KCNIP4: variants seen among roughly 807,000 people sequenced by gnomAD.
The protein encoded by KCNIP4 is potassium voltage-gated channel interacting protein 4, also known as Kv channel-interacting protein 4.
A neutral mutation model predicts 34.0 loss-of-function variants in KCNIP4; 12 were observed. The ratio of observed to expected loss-of-function variants is 0.35; its 90% CI spans 0.23 to 0.57. KCNIP4 has a LOEUF of 0.57. Ranked by LOEUF, KCNIP4 falls within the 20% of genes least tolerant of loss-of-function variation. The probability of loss-of-function intolerance (pLI) is 0.83; values close to 1 mark genes in which losing one functional copy is unlikely to be tolerated. For missense variants in KCNIP4, 238 were observed against 311.7 expected, an observed-to-expected ratio of 0.76 and a Z score of 1.78; for synonymous variants, 124 against 102.2, an observed-to-expected ratio of 1.21 and a Z score of -1.29.
At chr4:21,606,059 C>T (rs1743628973) in intron 1 of KCNIP4, among the ~76,000 whole-genome samples, 1 of 152,046 alleles carries the variant, frequency 6.6e-6, no homozygotes, top group South Asian at 2.1e-4. Context: ...AATTCAGTAC[C>T]CTGAACAATC....
chr4:21,103,013 A>C (rs1433493), intron 1 of KCNIP4, among the ~76,000 whole-genome samples: 44,235 of 151,914 alleles, frequency 0.29, 7,106 homozygotes, highest in African/African-American at 0.44. Flanking sequence ...TATTCTTGTT[A>C]TATATAAACT....
chr4:20,840,839 G>A lies in KCNIP4; in HGVS notation c.288+9704C>T, dbSNP rs1000718493. 2.6e-5 allele frequency among the ~76,000 whole-genome samples: 4 copies of A among 152,204 alleles called. No homozygotes were observed. In the East Asian group the frequency reaches 7.7e-4, roughly 29 times the overall value. On this transcript the variant is annotated intron_variant, in intron 3 of 8. Transcript: ENST00000382152. ...GATACCAACACCCCCATCTCCTTCC[G>A]CTCAACTTTGAAATATGTTGCAAGA...
At chr4:21,069,010 G>A (rs1001149985) in intron 1 of KCNIP4, among the ~76,000 whole-genome samples, 1 of 152,126 alleles carries the variant, frequency 6.6e-6, no homozygotes, top group Non-Finnish European at 1.5e-5. Context: ...TAACCTATCT[G>A]TGCCTGAGAT....
At chr4:21,676,571 A>G (rs549393917) in intron 1 of KCNIP4, among the ~76,000 whole-genome samples, 28 of 152,358 alleles carry the variant, frequency 1.8e-4, no homozygotes, top group Non-Finnish European at 3.4e-4. Context: ...CACCAGAAAT[A>G]TACTCATTCA....
intron 3 of KCNIP4, among the ~76,000 whole-genome samples, chr4:20,773,647 T>A (rs1756111874): frequency 6.6e-6 from 1 of 152,222 alleles, no homozygotes; most frequent in Non-Finnish European, 1.5e-5. Flanking sequence ...CAGTTCTTTT[T>A]CTTAAGGGAT....
intron 1 of KCNIP4, among the ~76,000 whole-genome samples, chr4:21,583,060 C>G (rs939187207): frequency 1.3e-5 from 2 of 151,954 alleles, no homozygotes; most frequent in African/African-American, 4.8e-5. Context: ...AATGCAAAAT[C>G]AGACTCATGT....
At chr4:20,803,043 C>A (rs1240099434) in intron 3 of KCNIP4, among the ~76,000 whole-genome samples, 1 of 145,118 alleles carries the variant, frequency 6.9e-6, no homozygotes, top group Non-Finnish European at 1.5e-5. Flanking sequence ...CCACTGCACT[C>A]CAGCCTGGGC....
intron 1 of KCNIP4, among the ~76,000 whole-genome samples, chr4:21,273,266 C>A (rs1762260073): frequency 6.6e-6 from 1 of 152,108 alleles, no homozygotes; most frequent in African/African-American, 2.4e-5. Flanking sequence ...CCTAATCAGA[C>A]CTACCTACTG....
intron 1 of KCNIP4, among the ~76,000 whole-genome samples, chr4:21,860,817 T>C (rs534872347): frequency 6.6e-6 from 1 of 152,236 alleles, no homozygotes; most frequent in South Asian, 2.1e-4. Context: ...TCCAATAATG[T>C]GCTAGTGTCA....
At chr4:21,620,987 C>T (rs1487846165) in intron 1 of KCNIP4, among the ~76,000 whole-genome samples, 1 of 152,162 alleles carries the variant, frequency 6.6e-6, no homozygotes, top group Non-Finnish European at 1.5e-5. Context: ...TAACTAACAA[C>T]CTTCCTACTT....
At chr4:21,235,043 G>A (rs34830459) in intron 1 of KCNIP4, among the ~76,000 whole-genome samples, 2 of 152,006 alleles carry the variant, frequency 1.3e-5, no homozygotes, top group Admixed American at 1.3e-4. Flanking sequence ...TACACATGTA[G>A]ATCAGGTCTT....
intron 1 of KCNIP4, among the ~76,000 whole-genome samples, chr4:21,231,499 G>C (rs146764145): frequency 2.9e-4 from 44 of 152,134 alleles, no homozygotes; most frequent in African/African-American, 8.9e-4. Flanking sequence ...AATATGTACA[G>C]TAAACATTTT....
intron 1 of KCNIP4, among the ~76,000 whole-genome samples, chr4:21,041,230 T>A (rs1180471898): frequency 2.8e-5 from 4 of 144,650 alleles, no homozygotes; most frequent in South Asian, 2.2e-4. Flanking sequence ...GATATATATT[T>A]CACACACACA....
At chr4:21,183,433 C>A (rs1401477295) in intron 1 of KCNIP4, among the ~76,000 whole-genome samples, 3 of 146,172 alleles carry the variant, frequency 2.1e-5, no homozygotes, top group African/African-American at 5.0e-5. Context: ...TTTGGAGGAA[C>A]TTTATGCAGT....
intron 1 of KCNIP4, among the ~76,000 whole-genome samples, chr4:21,127,173 T>TAG (rs1255913523): frequency 6.6e-6 from 1 of 152,196 alleles, no homozygotes; most frequent in African/African-American, 2.4e-5. Flanking sequence ...TCTTCCCTCT[T>TAG]GGCTGTCCTA....
intron 1 of KCNIP4, among the ~76,000 whole-genome samples, chr4:21,763,967 G>C (rs992295278): frequency 5.3e-5 from 8 of 152,074 alleles, no homozygotes; most frequent in Non-Finnish European, 7.4e-5. Flanking sequence ...TCAGTGCCAG[G>C]AACTCCAGAT....
chr4:21,235,862 T>G (rs149963787), intron 1 of KCNIP4, among the ~76,000 whole-genome samples: 3,164 of 152,322 alleles, frequency 0.021, 52 homozygotes, highest in Non-Finnish European at 0.03. Flanking sequence ...GAGGAGGAAG[T>G]ACTGCTTCTA....
chr4:21,394,408 A>C (rs1237487443), intron 1 of KCNIP4, among the ~76,000 whole-genome samples: 1 of 152,130 alleles, frequency 6.6e-6, no homozygotes, highest in African/African-American at 2.4e-5. Context: ...AGAACTGACC[A>C]ATCAGAAGTT....
At chr4:21,256,415 GC>G (rs1761065432) in intron 1 of KCNIP4, among the ~76,000 whole-genome samples, 1 of 110,656 alleles carries the variant, frequency 9.0e-6, no homozygotes, top group Admixed American at 9.9e-5. Context: ...TCCCATCCCT[GC>G]TTAAAAAAAA....
Sources: allele counts gnomAD v4.1 joint callset (sites outside exome capture counted in the v4.1 genomes callset), GRCh38; gene constraint gnomAD v4.1.1; transcripts MANE v1.5; gene names NCBI Gene and HGNC (gene_info 2026-07-23, HGNC 2026-07-21).